The following ROBO1 variants were observed in gnomAD, a reference collection of about 807,000 sequenced individuals.
The protein encoded by ROBO1 is roundabout guidance receptor 1, also known as roundabout homolog 1.
In ROBO1, 149 loss-of-function variants were observed where a neutral mutation model predicts 195.9. That is an observed-to-expected ratio of 0.76 (90% CI 0.67 to 0.87). The LOEUF is 0.87. Among genes scored for constraint, ROBO1 ranks in the 40% least tolerant of loss-of-function variants. The pLI, the probability that ROBO1 is intolerant of heterozygous loss-of-function variation, is 0.00. For missense variants in ROBO1, 1,933 were observed against 2,068.3 expected (o/e 0.93, Z 1.27); for synonymous variants, 816 against 733.2 (o/e 1.11, Z -1.82).
intron 2 of ROBO1, among the ~76,000 whole-genome samples, chr3:79,452,356 C>T (rs888239228): frequency 6.6e-6 from 1 of 152,092 alleles, no homozygotes; most frequent in Non-Finnish European, 1.5e-5. Context: ...CTTCCCCCAT[C>T]TGGAGCATCA....
intron 3 of ROBO1, among the ~76,000 whole-genome samples, chr3:78,968,414 G>A (rs1306666715): frequency 2.0e-5 from 3 of 151,530 alleles, no homozygotes; most frequent in Non-Finnish European, 2.9e-5. Context: ...ATAGGTGTGC[G>A]CCACTCACAT....
rs185115461 is a variant in ROBO1, at chr3:79,129,434, A to G, written c.89-3895T>C. 1.4e-3 allele frequency among the ~76,000 whole-genome samples: 214 copies of G among 152,236 alleles called. 2 individuals carry two copies. In the Middle Eastern group the frequency reaches 0.024, roughly 17 times the overall value. ...CATAAATTAGTAATTACATACATAC[A>G]TATATACATACACACAAACAGTATA... On this transcript the variant is annotated intron_variant, in intron 2 of 30. Transcript: ENST00000464233.
chr3:78,757,296 G>A (rs1411596869), intron 4 of ROBO1, among the ~76,000 whole-genome samples: 1 of 152,216 alleles, frequency 6.6e-6, no homozygotes, highest in African/African-American at 2.4e-5. Context: ...GTTGCACGAT[G>A]AGTGATCGAA....
intron 2 of ROBO1, among the ~76,000 whole-genome samples, chr3:79,439,663 C>T (rs1559900449): frequency 6.6e-6 from 1 of 151,984 alleles, no homozygotes; most frequent in Non-Finnish European, 1.5e-5. Context: ...AATGGAATTT[C>T]ACATACATAG....
chr3:78,675,633 C>T lies in ROBO1; in HGVS notation c.1343-5332G>A, dbSNP rs572044736. ...CTGGGGGAGGGGGGCCTGCCATTGC[C>T]GAGTTAGTTGTTTGATTAGGTAAAC... On this transcript the variant is annotated intron_variant, in intron 10 of 30. Transcript: ENST00000464233. 7.2e-5 allele frequency among the ~76,000 whole-genome samples: 11 copies of T among 152,208 alleles called. No homozygotes were observed. The South Asian group carries it at 1.7e-3, about 23-fold the overall frequency.
At chr3:79,365,324 G>A (rs1056714089) in intron 2 of ROBO1, among the ~76,000 whole-genome samples, 3 of 152,100 alleles carry the variant, frequency 2.0e-5, no homozygotes, top group South Asian at 2.1e-4. Context: ...CTGCACATCC[G>A]TACCAATTCA....
chr3:79,488,088 AAAT>A (rs1249660736), intron 2 of ROBO1, among the ~76,000 whole-genome samples: 3 of 152,204 alleles, frequency 2.0e-5, no homozygotes, highest in Non-Finnish European at 2.9e-5. Flanking sequence ...TGAATTAAAA[AAAT>A]AATGCTTTCT....
At chr3:79,592,273 T>A (rs1387271305) in intron 1 of ROBO1, among the ~76,000 whole-genome samples, 1 of 151,982 alleles carries the variant, frequency 6.6e-6, no homozygotes, top group South Asian at 2.1e-4. Context: ...GAAACACTTA[T>A]TATAATTGAT....
At chr3:79,078,258 G>A (rs1235981216) in intron 3 of ROBO1, among the ~76,000 whole-genome samples, 1 of 151,750 alleles carries the variant, frequency 6.6e-6, no homozygotes, top group Non-Finnish European at 1.5e-5. Context: ...CTGGATGCAT[G>A]TGAATGGGAT....
At chr3:78,954,524 T>A (rs2040944230) in intron 3 of ROBO1, among the ~76,000 whole-genome samples, 1 of 152,082 alleles carries the variant, frequency 6.6e-6, no homozygotes, top group African/African-American at 2.4e-5. Flanking sequence ...TATAGTAGCT[T>A]ATTTCAGCTG....
intron 2 of ROBO1, among the ~76,000 whole-genome samples, chr3:79,190,276 C>A (rs2108753809): frequency 6.6e-6 from 1 of 151,700 alleles, no homozygotes; most frequent in South Asian, 2.1e-4. Flanking sequence ...TCTAGGAGAA[C>A]TTTCTGTGTT....
At chr3:78,893,805 T>A (rs2037065954) in intron 4 of ROBO1, among the ~76,000 whole-genome samples, 2 of 152,316 alleles carry the variant, frequency 1.3e-5, no homozygotes, top group East Asian at 3.9e-4. Context: ...GACATTTTTA[T>A]GATAGATTTT....
intron 5 of ROBO1, among the ~76,000 whole-genome samples, chr3:78,738,233 AGC>A (rs2082439031): frequency 6.6e-6 from 1 of 152,118 alleles, no homozygotes; most frequent in Non-Finnish European, 1.5e-5. Context: ...GATGTGAGTC[AGC>A]TGCTTTTTAC....
rs151169712 is a variant in ROBO1 at position 78,935,038 on chromosome 3, T to C, written c.499+3563A>G. Among the ~76,000 whole-genome samples, 1,032 of 152,162 alleles carry C rather than the reference T, an allele frequency of 6.8e-3. 13 individuals carry two copies. The highest frequency in any genetic ancestry group is 0.024 in the African/African-American group (985 of 41,556). On this transcript the variant is annotated intron_variant, in intron 4 of 30. Transcript: ENST00000464233. ...GTATAATTTGAATTCTAAGTCACTT[T>C]AAGAAGCATAAGTTACTAATAATAA...
intron 1 of ROBO1, among the ~76,000 whole-genome samples, chr3:79,739,072 A>C (rs1327826542): frequency 1.3e-5 from 2 of 152,210 alleles, no homozygotes; most frequent in Non-Finnish European, 2.9e-5. Context: ...GAGTTTAGGA[A>C]AAGAAATGAA....
At position 78,639,869 on chromosome 3, in the gene ROBO1, G is replaced by A; in HGVS notation, c.2912C>T (p.Ala971Val). 1.2e-6 allele frequency: 2 copies of A among 1,607,282 alleles called. No individual in the cohort carries two copies. Among genetic ancestry groups the A allele is most frequent in the Non-Finnish European group, 8.5e-7 (1 of 1,175,986 alleles). ...CGTGTCTGCCAGCCATGGCTGCGCG[G>A]CAGGTTCACTGATGTTGAGAAGTCC... ...RPGLLNISEP[A>V]AQPWLADTWP... The change falls in exon 22 of 31, where the codon GCC (alanine) becomes GTC (valine). Residue 971 changes from alanine to valine, a missense_variant. Physicochemically the swap from Ala to Val is moderately conservative, Grantham distance 64. Transcript: ENST00000464233.
chr3:78,615,618 T>C (rs1385147756), intron 27 of ROBO1, among the ~76,000 whole-genome samples: 6 of 152,210 alleles, frequency 3.9e-5, no homozygotes, highest in Admixed American at 3.9e-4. Context: ...AATGGAGATA[T>C]ATTGGTCCTA....
intron 8 of ROBO1, among the ~76,000 whole-genome samples, chr3:78,699,559 A>G (rs1207940494): frequency 6.6e-6 from 1 of 150,650 alleles, no homozygotes; most frequent in East Asian, 1.9e-4. Context: ...ACAGGGCAAG[A>G]CTCCATCTCC....
intron 2 of ROBO1, among the ~76,000 whole-genome samples, chr3:79,376,259 C>T (rs933353378): frequency 9.2e-5 from 14 of 152,154 alleles, no homozygotes; most frequent in Admixed American, 3.9e-4. Context: ...TAGTTACTAA[C>T]GCAGGGTCAG....
Sources: allele counts gnomAD v4.1 joint callset (sites outside exome capture counted in the v4.1 genomes callset), GRCh38; gene constraint gnomAD v4.1.1; transcripts MANE v1.5; gene names NCBI Gene and HGNC (gene_info 2026-07-23, HGNC 2026-07-21).